Variants in VCF1 observed in about 807,000 individuals in gnomAD.
The protein encoded by VCF1 is protein VCF1.
At chr17:73,227,869 A>C in the VCF1 span, 1 of 165,742 alleles carries the variant, frequency 6.0e-6, no homozygotes, top group South Asian at 2.0e-4. Flanking sequence ...TTTCTTAGGC[A>C]AGTGTTCTCG....
the VCF1 span, chr17:73,232,145 G>C: frequency 6.2e-7 from 1 of 1,610,160 alleles, no homozygotes; most frequent in African/African-American, 1.3e-5. Flanking sequence ...GCGCCGCTCC[G>C]CGAAGAGAGG....
chr17:73,207,817 CTTTA>C, the VCF1 span: 1 of 1,282,322 alleles, frequency 7.8e-7, no homozygotes, highest in African/African-American at 1.5e-5. Context: ...GAGTTGTTTG[CTTTA>C]TTGTTAGACA....
the VCF1 span, among the ~76,000 whole-genome samples, chr17:73,224,703 A>G: frequency 8.5e-5 from 13 of 152,208 alleles, no homozygotes; most frequent in African/African-American, 3.1e-4. Flanking sequence ...TGAAAACTTC[A>G]TTATTTGGGG....
chr17:73,212,688 G>A, the VCF1 span: 11 of 1,596,350 alleles, frequency 6.9e-6, no homozygotes, highest in South Asian at 5.7e-5. Context: ...CGCGCAGAAC[G>A]CTTTGTTTCC....
chr17:73,210,757 A>ATTTTTTT, the VCF1 span, among the ~76,000 whole-genome samples: 1 of 135,122 alleles, frequency 7.4e-6, no homozygotes. Flanking sequence ...ATGCCTCGTT[A>ATTTTTTT]TTTTTTTTTT....
chr17:73,217,338 G>A, the VCF1 span, among the ~76,000 whole-genome samples: 1 of 149,928 alleles, frequency 6.7e-6, no homozygotes, highest in Non-Finnish European at 1.5e-5. Context: ...GGGGGACAGA[G>A]TGAGACTGTA....
the VCF1 span, among the ~76,000 whole-genome samples, chr17:73,224,930 G>GACAGGACAGC: frequency 4.9e-4 from 42 of 85,848 alleles, no homozygotes; most frequent in African/African-American, 1.0e-3. Flanking sequence ...GACAGGACAG[G>GACAGGACAGC]ACAGCACAGC....
chr17:73,232,208 G>C, the VCF1 span: 2 of 1,610,954 alleles, frequency 1.2e-6, no homozygotes, highest in African/African-American at 1.3e-5. Context: ...CTCGGGCCTT[G>C]GCTCTCGCAG....
At chr17:73,232,274 A>G in the VCF1 span, 39 of 1,604,160 alleles carry the variant, frequency 2.4e-5, no homozygotes, top group Non-Finnish European at 3.2e-5. Flanking sequence ...CCGTACCACC[A>G]CTACTTCCGG....
the VCF1 span, among the ~76,000 whole-genome samples, chr17:73,213,912 C>T: frequency 6.6e-6 from 1 of 152,018 alleles, no homozygotes. Flanking sequence ...AGAGGTTGTA[C>T]TGAGCCGAGA....
chr17:73,230,332 T>C, the VCF1 span, among the ~76,000 whole-genome samples: 1 of 151,628 alleles, frequency 6.6e-6, no homozygotes, highest in East Asian at 1.9e-4. Context: ...AATCAATCAA[T>C]AAGCAGGGAC....
chr17:73,212,842 C>A, the VCF1 span: 1 of 736,422 alleles, frequency 1.4e-6, no homozygotes, highest in Non-Finnish European at 2.1e-6. Flanking sequence ...TGATGCTACT[C>A]TAAGAAAAGG....
chr17:73,224,942 C>T, the VCF1 span, among the ~76,000 whole-genome samples: 135 of 42,034 alleles, frequency 3.2e-3, no homozygotes, highest in East Asian at 5.5e-3. Context: ...CAGCACAGCA[C>T]AGCACAGCAC....
the VCF1 span, among the ~76,000 whole-genome samples, chr17:73,214,842 G>A: frequency 6.6e-6 from 1 of 152,150 alleles, no homozygotes; most frequent in Non-Finnish European, 1.5e-5. Context: ...AAAGACTTTG[G>A]GACTGAGAAG....
chr17:73,211,619 T>C, the VCF1 span, among the ~76,000 whole-genome samples: 1 of 149,884 alleles, frequency 6.7e-6, no homozygotes, highest in Non-Finnish European at 1.5e-5. Flanking sequence ...CCCAGCACTT[T>C]GGGAGCCCGA....
chr17:73,212,341 C>G, the VCF1 span, among the ~76,000 whole-genome samples: 2 of 152,028 alleles, frequency 1.3e-5, no homozygotes, highest in African/African-American at 4.8e-5. Flanking sequence ...AGACTCAAAC[C>G]AAGACTTGTG....
chr17:73,218,799 C>T, the VCF1 span, among the ~76,000 whole-genome samples: 1 of 152,144 alleles, frequency 6.6e-6, no homozygotes, highest in South Asian at 2.1e-4. Context: ...GCGGGCGGAT[C>T]ACGAGGTCAG....
chr17:73,208,541 A>G, the VCF1 span: 2 of 1,461,766 alleles, frequency 1.4e-6, no homozygotes, highest in Non-Finnish European at 1.9e-6. Flanking sequence ...CAGCCACACC[A>G]ATCTTTCCAG....
At chr17:73,212,661 C>G in the VCF1 span, 4 of 1,585,216 alleles carry the variant, frequency 2.5e-6, no homozygotes, top group African/African-American at 5.4e-5. Context: ...GGTCACTACA[C>G]TCAATTAGAA....
Sources: gnomAD v4.1 joint callset for allele counts (sites outside exome capture counted in the v4.1 genomes callset) on GRCh38, gnomAD v4.1.1 for gene constraint, MANE v1.5 for transcripts, NCBI Gene and HGNC (gene_info 2026-07-23, HGNC 2026-07-21) for gene names.